The following GREB1 variants were observed in gnomAD, a reference collection of about 807,000 sequenced individuals.
GREB1 encodes the protein growth regulating estrogen receptor binding 1.
A neutral mutation model predicts 200.7 loss-of-function variants in GREB1; 106 were observed. The ratio of observed to expected loss-of-function variants is 0.53; its 90% CI spans 0.45 to 0.62. GREB1 has a LOEUF of 0.62. Ranked by LOEUF, GREB1 falls within the 20% of genes least tolerant of loss-of-function variation. The probability of loss-of-function intolerance (pLI) is 0.00; values close to 1 mark genes in which losing one functional copy is unlikely to be tolerated. For missense variants in GREB1, 2,243 were observed against 2,556.8 expected (o/e 0.88, Z 2.65); for synonymous variants, 1,132 against 1,092.4 (o/e 1.04, Z -0.72).
intron 17 of GREB1, among the ~76,000 whole-genome samples, chr2:11,605,111 G>A (rs1682130098): frequency 1.4e-5 from 2 of 138,656 alleles, no homozygotes; most frequent in South Asian, 2.3e-4. Context: ...TGACCTGGGG[G>A]TACTGTCTGG....
intron 24 of GREB1, 54 bp from the exon 25 acceptor site, chr2:11,626,908 G>T (rs1684505855): frequency 6.3e-7 from 1 of 1,590,374 alleles, no homozygotes; most frequent in Non-Finnish European, 8.6e-7. Context: ...GCAGGCAGGG[G>T]ATAATGTTTG....
intron 1 of GREB1, among the ~76,000 whole-genome samples, chr2:11,499,348 G>A (rs996928477): frequency 4.6e-5 from 7 of 152,240 alleles, no homozygotes; most frequent in Non-Finnish European, 8.8e-5. Context: ...CCAGTGCTAC[G>A]AGAATGATCT....
At position 11,598,750 on chromosome 2, in the gene GREB1, G is replaced by A. The variant is rs185495556; in HGVS notation, c.2223G>A (p.Lys741=). ...AGAGGGTGGAACAGTATGTTCTGAA[G>A]CTAGACACGGAGGCACAGACAAAAT... is the stretch of plus-strand genomic sequence containing the variant. ...TKQRVEQYVL[K]LDTEAQTKFK... The change falls in exon 15 of 33, where the codon AAG becomes AAA. Residue 741 remains lysine (K), a synonymous_variant. Coordinates refer to ENST00000381486, the MANE Select transcript of GREB1 (RefSeq NM_014668.4). The A allele has an allele frequency of 1.2e-6, 2 of 1,614,214 alleles. No homozygotes were observed. Among genetic ancestry groups the A allele is most frequent in the Admixed American group, 3.3e-5 (2 of 60,026 alleles).
At chr2:11,531,105 G>A (rs1490841362), upstream of GREB1, among the ~76,000 whole-genome samples, 4 of 152,340 alleles carry the variant, frequency 2.6e-5, no homozygotes, top group East Asian at 7.7e-4. Flanking sequence ...TGCTTCCTGA[G>A]TGGCCTCAGG....
At chr2:11,592,511 AATAAAG>A (rs1317424205) in intron 10 of GREB1, among the ~76,000 whole-genome samples, 1 of 152,142 alleles carries the variant, frequency 6.6e-6, no homozygotes, top group Non-Finnish European at 1.5e-5. Flanking sequence ...TAATCTTAAA[AATAAAG>A]ATAAATGTAC....
intron 1 of GREB1, among the ~76,000 whole-genome samples, chr2:11,549,875 G>T (rs771768345): frequency 6.6e-6 from 1 of 152,130 alleles, no homozygotes; most frequent in Non-Finnish European, 1.5e-5. Flanking sequence ...CAAAAGCCTT[G>T]TGATGCTGAT....
chr2:11,537,262 C>G (rs946415893), intron 1 of GREB1, among the ~76,000 whole-genome samples: 1 of 152,130 alleles, frequency 6.6e-6, no homozygotes, highest in Non-Finnish European at 1.5e-5. Flanking sequence ...CCGCGCCGGC[C>G]GACATTTTCT....
chr2:11,571,188 T>A (rs1678240697), intron 4 of GREB1, among the ~76,000 whole-genome samples: 1 of 152,238 alleles, frequency 6.6e-6, no homozygotes, highest in Non-Finnish European at 1.5e-5. Flanking sequence ...ATCTTATTTT[T>A]GTCCCAAGTA....
At chr2:11,587,964 G>T (rs1221595768) in intron 9 of GREB1, 3 of 986,834 alleles carry the variant, frequency 3.0e-6, no homozygotes, top group East Asian at 2.2e-4. Flanking sequence ...GGTGGCTCAC[G>T]CCTGTAATCC....
At chr2:11,625,364 C>G in intron 24 of GREB1, 52 bp downstream of exon 24, 1 of 1,550,434 alleles carries the variant, frequency 6.4e-7, no homozygotes. Flanking sequence ...GGCACAGCCT[C>G]TTAAAGGGAT....
chr2:11,549,740 T>C (rs1675626567), intron 1 of GREB1, among the ~76,000 whole-genome samples: 1 of 152,252 alleles, frequency 6.6e-6, no homozygotes, highest in African/African-American at 2.4e-5. Flanking sequence ...TGTTCTTGTT[T>C]TGTGGATACA....
In GREB1 at chr2:11,498,596, A is replaced by T. The variant is rs115590318; in HGVS notation, c.-159+16215A>T. 8.2e-3 allele frequency among the ~76,000 whole-genome samples: 1,250 copies of T among 152,152 alleles called. 25 individuals are homozygous for T. Among genetic ancestry groups the T allele is most frequent in the African/African-American group, 0.029 (1,189 of 41,512 alleles). On this transcript the variant is annotated intron_variant, in intron 1 of 2. Coordinates refer to the GREB1 transcript ENST00000628795. ...AGAACTGGGGGGCAGTGAGGTGGGG[A>T]CGTGGGTCAGGGGACAGCCAAGCTG... is the stretch of plus-strand genomic sequence containing the variant.
At chr2:11,558,843 C>T (rs1414500862) in intron 2 of GREB1, among the ~76,000 whole-genome samples, 1 of 152,016 alleles carries the variant, frequency 6.6e-6, no homozygotes, top group African/African-American at 2.4e-5. Context: ...ACTGAACACC[C>T]CTTGATCTGT....
chr2:11,600,843 G>T lies in GREB1; in HGVS notation c.2377G>T (p.Gly793Ter). 1 of 1,614,144 alleles carries T rather than the reference G, an allele frequency of 6.2e-7. No individual in the cohort carries two copies. The highest frequency in any genetic ancestry group is 8.5e-7 in the Non-Finnish European group (1 of 1,180,014). Residue 793 changes from glycine to a stop codon, truncating the protein, a stop_gained, in exon 16 of 33, where the codon GGA (glycine) becomes TGA (stop). Transcript: ENST00000381486. LOFTEE classifies it high-confidence loss of function. ...NLYSQSDPSV[G>*]LVDRLLNCRE... ...CTATTCTCAAAGTGACCCGTCGGTG[G>T]GATTGGTGGACCGATTGCTCAACTG...
At chr2:11,557,095 T>C (rs1248359082) in intron 2 of GREB1, among the ~76,000 whole-genome samples, 1 of 152,234 alleles carries the variant, frequency 6.6e-6, no homozygotes, top group African/African-American at 2.4e-5. Context: ...TTAACATGCT[T>C]TTGACCCTCA....
At chr2:11,485,276 T>TATATATATA (rs1491126303) in intron 1 of GREB1, among the ~76,000 whole-genome samples, 139 of 4,632 alleles carry the variant, frequency 0.03, 1 homozygote, top group African/African-American at 0.031. Flanking sequence ...TATATATGTA[T>TATATATATA]TTTTTTTTTT....
chr2:11,565,717 C>T (rs947659692), intron 3 of GREB1, among the ~76,000 whole-genome samples: 1 of 152,174 alleles, frequency 6.6e-6, no homozygotes, highest in Non-Finnish European at 1.5e-5. Context: ...CCTGTGCTCT[C>T]GGCCGGCTCA....
At chr2:11,630,606 C>T (rs146136631) in intron 26 of GREB1, among the ~76,000 whole-genome samples, 79 of 152,306 alleles carry the variant, frequency 5.2e-4, no homozygotes, top group East Asian at 3.9e-3. Context: ...TTGTTTCATC[C>T]GTCCCTCTCT....
intron 4 of GREB1, 102 bp from the exon 5 acceptor site, chr2:11,576,251 G>A (rs967779773): frequency 1.3e-5 from 12 of 900,316 alleles, no homozygotes; most frequent in East Asian, 9.7e-5. Flanking sequence ...AGGTTGCAGC[G>A]AGCCGAGATC....
Sources: allele counts gnomAD v4.1 joint callset (sites outside exome capture counted in the v4.1 genomes callset), GRCh38; gene constraint gnomAD v4.1.1; transcripts MANE v1.5; gene names NCBI Gene and HGNC (gene_info 2026-07-23, HGNC 2026-07-21).